The following PRKCB variants were observed in gnomAD, a reference collection of about 807,000 sequenced individuals.
PRKCB encodes the protein protein kinase C beta.
PRKCB carries 13 observed loss-of-function variants against 81.5 expected under a neutral mutation model. The observed-to-expected ratio is 0.16, with a 90% confidence interval of 0.10 to 0.25. The LOEUF is 0.25. PRKCB is among the 10% of genes least tolerant of loss of function. The pLI is 1.00. For synonymous variants in PRKCB, 335 were observed against 321.4 expected (o/e 1.04, Z -0.45); for missense variants, 509 against 875.7 (o/e 0.58, Z 5.29).
At chr16:23,879,465 T>C (rs1597224431) in intron 2 of PRKCB, among the ~76,000 whole-genome samples, 2 of 141,754 alleles carry the variant, frequency 1.4e-5, no homozygotes, top group South Asian at 2.4e-4. Context: ...ACCTTTGTTG[T>C]TGGTCCTTTA....
chr16:24,174,608 C>T (rs1967499530), intron 12 of PRKCB, 28 bp downstream of exon 12: 1 of 1,579,960 alleles, frequency 6.3e-7, no homozygotes, highest in Non-Finnish European at 8.7e-7. Flanking sequence ...TACTTTCCAT[C>T]TCTTCATCTC....
At chr16:24,090,944 G>C (rs1348396923) in intron 5 of PRKCB, among the ~76,000 whole-genome samples, 1 of 152,036 alleles carries the variant, frequency 6.6e-6, no homozygotes, top group East Asian at 1.9e-4. Context: ...CAAAATTTCT[G>C]GTTTTATTTA....
chr16:24,005,748 G>A (rs1965108826), intron 3 of PRKCB, among the ~76,000 whole-genome samples: 1 of 152,172 alleles, frequency 6.6e-6, no homozygotes, highest in African/African-American at 2.4e-5. Context: ...GTGGCAGGAA[G>A]ACCACCTTGA....
intron 2 of PRKCB, among the ~76,000 whole-genome samples, chr16:23,944,032 C>G (rs953226462): frequency 2.0e-5 from 3 of 152,168 alleles, no homozygotes; most frequent in Non-Finnish European, 4.4e-5. Flanking sequence ...TTCTCATCTT[C>G]ATGTATGCTC....
intron 8 of PRKCB, among the ~76,000 whole-genome samples, chr16:24,122,103 G>T (rs1412472529): frequency 6.6e-6 from 1 of 152,220 alleles, no homozygotes; most frequent in African/African-American, 2.4e-5. Context: ...AATCAAGTAA[G>T]TAAGGCGGAT....
chr16:23,913,787 A>G (rs1963696949), intron 2 of PRKCB, among the ~76,000 whole-genome samples: 1 of 152,168 alleles, frequency 6.6e-6, no homozygotes, highest in South Asian at 2.1e-4. Flanking sequence ...TTCATCTCAG[A>G]ATTCCTGTGC....
chr16:23,881,962 TTTCC>T lies in PRKCB; in HGVS notation c.205+44559_205+44562del, dbSNP rs1440700645. On this transcript the variant is annotated intron_variant, in intron 2 of 16. Transcript: ENST00000643927. The stretch of plus-strand genomic sequence containing the variant: ...ATGGCTGGTTTCTTCCTTTTTTTCT[TTTCC>T]TTTCTTTCTTTCTTTCTTTCTTTCT... Among the ~76,000 whole-genome samples, 4 of 144,894 alleles carry T rather than the reference TTTCC, an allele frequency of 2.8e-5. 1 individual carries two copies. The highest frequency in any genetic ancestry group is 1.0e-4 in the African/African-American group (4 of 39,604).
At chr16:23,858,516 A>G (rs1343307112) in intron 2 of PRKCB, among the ~76,000 whole-genome samples, 1 of 149,262 alleles carries the variant, frequency 6.7e-6, no homozygotes, top group African/African-American at 2.5e-5. Flanking sequence ...GAAATTCTCT[A>G]GTGGGAGGAA....
At chr16:23,948,135 G>A (rs1198143836) in intron 2 of PRKCB, among the ~76,000 whole-genome samples, 1 of 152,106 alleles carries the variant, frequency 6.6e-6, no homozygotes, top group Non-Finnish European at 1.5e-5. Context: ...GTCAGCTATG[G>A]TGGGGCTTCT....
At chr16:24,011,603 A>G (rs1965203843) in intron 3 of PRKCB, among the ~76,000 whole-genome samples, 1 of 152,122 alleles carries the variant, frequency 6.6e-6, no homozygotes, top group Non-Finnish European at 1.5e-5. Context: ...TGCAGCCTCC[A>G]ATTCCTGGGA....
chr16:23,962,438 C>T (rs1459010316), intron 2 of PRKCB, among the ~76,000 whole-genome samples: 4 of 152,192 alleles, frequency 2.6e-5, no homozygotes, highest in Non-Finnish European at 4.4e-5. Context: ...CCCTCTTTAG[C>T]ATATTCTTGG....
At chr16:23,874,568 C>CTTTTTTTTTTTTTTT (rs58560122) in intron 2 of PRKCB, among the ~76,000 whole-genome samples, 1 of 133,052 alleles carries the variant, frequency 7.5e-6, no homozygotes, top group Non-Finnish European at 1.6e-5. Context: ...ATTCTTCTCT[C>CTTTTTTTTTTTTTTT]TTTTTTTTTT....
chr16:23,841,237 G>A (rs1467797888), intron 2 of PRKCB, among the ~76,000 whole-genome samples: 1 of 152,096 alleles, frequency 6.6e-6, no homozygotes, highest in East Asian at 1.9e-4. Flanking sequence ...CTGCCACCAC[G>A]CCTGGCTAAT....
intron 9 of PRKCB, among the ~76,000 whole-genome samples, chr16:24,149,700 G>A (rs1596569890): frequency 6.6e-6 from 1 of 152,160 alleles, no homozygotes; most frequent in Non-Finnish European, 1.5e-5. Flanking sequence ...TAGGCAAGAG[G>A]CACTGTCCTT....
intron 2 of PRKCB, among the ~76,000 whole-genome samples, chr16:23,953,141 T>C (rs1382463702): frequency 6.6e-6 from 1 of 152,158 alleles, no homozygotes; most frequent in Non-Finnish European, 1.5e-5. Context: ...TCTACTTGCT[T>C]GAAGGTACGC....
At chr16:24,145,185 G>A (rs373265553) in intron 9 of PRKCB, among the ~76,000 whole-genome samples, 2 of 152,326 alleles carry the variant, frequency 1.3e-5, no homozygotes, top group African/African-American at 4.8e-5. Flanking sequence ...TCTGAGAGGT[G>A]AGATTGAGTC....
chr16:24,064,474 T>C (rs1229927055), intron 5 of PRKCB, among the ~76,000 whole-genome samples: 1 of 152,224 alleles, frequency 6.6e-6, no homozygotes, highest in African/African-American at 2.4e-5. Context: ...TCCACCACAG[T>C]CTGAAAACAT....
chr16:23,942,791 A>C (rs1964155094), intron 2 of PRKCB, among the ~76,000 whole-genome samples: 1 of 152,192 alleles, frequency 6.6e-6, no homozygotes, highest in African/African-American at 2.4e-5. Context: ...CAGAAAGCCT[A>C]GCCTTAAACT....
chr16:24,149,054 C>G (rs899129683), intron 9 of PRKCB, among the ~76,000 whole-genome samples: 1 of 152,132 alleles, frequency 6.6e-6, no homozygotes, highest in Non-Finnish European at 1.5e-5. Flanking sequence ...CCTGCACTGG[C>G]TGGAGCACCT....
Sources: allele counts gnomAD v4.1 joint callset (sites outside exome capture counted in the v4.1 genomes callset), GRCh38; gene constraint gnomAD v4.1.1; transcripts MANE v1.5; gene names NCBI Gene and HGNC (gene_info 2026-07-23, HGNC 2026-07-21).